VWA3A: variants seen among roughly 807,000 people sequenced by gnomAD.
VWA3A encodes the protein von Willebrand factor A domain containing 3A.
Under a neutral mutation model 160.4 loss-of-function variants are expected in VWA3A, and 134 were observed. That is an observed-to-expected ratio of 0.84 (90% CI 0.73 to 0.96). The LOEUF (loss-of-function observed/expected upper bound fraction) is 0.96, where lower values mean the gene tolerates loss of function less well. Among genes scored for constraint, VWA3A ranks in the 40% least tolerant of loss-of-function variants. The probability of loss-of-function intolerance (pLI) is 0.00; values close to 1 mark genes in which losing one functional copy is unlikely to be tolerated. For synonymous variants in VWA3A, 476 were observed against 543.4 expected, an observed-to-expected ratio of 0.88 and a Z score of 1.72; for missense variants, 1,310 against 1,447.9, an observed-to-expected ratio of 0.90 and a Z score of 1.55.
Position 22,096,931 on chromosome 16 carries a change from T to C in VWA3A, c.87T>C (p.Phe29=), listed in dbSNP as rs951445871. 1 of 1,548,014 alleles carries C rather than the reference T, an allele frequency of 6.5e-7. No homozygotes were observed. ...TCTTCCATGGTCAAGAAAATATGTT[T>C]CTGGAAAACCATTGGTAAGCATAGT... ...SHVFHGQENM[F]LENHCIRRNT... is the part of the protein sequence containing the mutation. The change falls in exon 2 of 34, where the codon TTT becomes TTC. Residue 29 remains phenylalanine (F), a synonymous_variant. Transcript: ENST00000389398.
In VWA3A at chr16:22,148,219, C is replaced by T. The variant is rs754734069; in HGVS notation, c.2897C>T (p.Thr966Met). 4.7e-5 allele frequency: 75 copies of T among 1,601,422 alleles called. No homozygotes were observed. The highest frequency in any genetic ancestry group is 1.6e-4 in the South Asian group (14 of 88,316). Residue 966 changes from threonine (T) to methionine (M), a missense_variant, in exon 28 of 34, where the codon ACG (threonine) becomes ATG (methionine). Coordinates refer to ENST00000389398, the MANE Select transcript of VWA3A (RefSeq NM_173615.5). Reference sequence around the variant, plus strand: ...AGCAAAGTATGCATATTGCTGGACACGTCAGGGTCCATGGGCCCCTACCTG... The same window carrying T: ...AGCAAAGTATGCATATTGCTGGACATGTCAGGGTCCATGGGCCCCTACCTG... ...LESKVCILLD[T>M]SGSMGPYLQQ...
intron 3 of VWA3A, among the ~76,000 whole-genome samples, chr16:22,098,092 C>G (rs1210591026): frequency 6.6e-6 from 1 of 152,118 alleles, no homozygotes; most frequent in Non-Finnish European, 1.5e-5. Context: ...GAGAATAAAC[C>G]TCTGACCAGA....
At chr16:22,141,891 G>A (rs542594690) in intron 24 of VWA3A, among the ~76,000 whole-genome samples, 199 bp downstream of exon 24, 3 of 152,308 alleles carry the variant, frequency 2.0e-5, no homozygotes, top group South Asian at 4.1e-4. Flanking sequence ...ACCAGGGAAT[G>A]AGAGAAGTCA....
intron 6 of VWA3A, among the ~76,000 whole-genome samples, chr16:22,105,600 A>G (rs2045472247): frequency 6.6e-6 from 1 of 152,210 alleles, no homozygotes; most frequent in African/African-American, 2.4e-5. Context: ...GATTTTTTAA[A>G]TCCTGGTATT....
chr16:22,117,037 T>A (rs779317674), intron 10 of VWA3A, 74 bp from the exon 11 acceptor site: 172 of 1,508,530 alleles, frequency 1.1e-4, no homozygotes, highest in Non-Finnish European at 1.4e-4. Flanking sequence ...AATTGGGAGG[T>A]TCAGTCAAGG....
intron 25 of VWA3A, among the ~76,000 whole-genome samples, 152 bp from the exon 26 acceptor site, chr16:22,144,095 T>C (rs1312109703): frequency 6.6e-6 from 1 of 152,084 alleles, no homozygotes; most frequent in Non-Finnish European, 1.5e-5. Flanking sequence ...AGGGAAGGAA[T>C]CTGCATGGGA....
Position 22,131,610 on chromosome 16 carries a change from G to A in VWA3A, c.1753G>A (p.Gly585Ser), listed in dbSNP as rs1433463459. 8 of 1,613,604 alleles carry A rather than the reference G, an allele frequency of 5.0e-6. No individual in the cohort carries two copies. The African/African-American group carries it at 6.7e-5, about 13-fold the overall frequency. The change falls in exon 19 of 34, where the codon GGC becomes AGC. Residue 585 changes from glycine to serine, a missense_variant. Transcript: ENST00000389398. ...GTGGGCCCTGAACCTGCGGTGTCGGGGCAGCAGGAACGTTCTCAGCGCCCT... is the reference window on the plus strand; with the variant it reads ...GTGGGCCCTGAACCTGCGGTGTCGGAGCAGCAGGAACGTTCTCAGCGCCCT... ...WRWALNLRCR[G>S]SRNVLSALRK... is the part of the protein sequence containing the mutation.
chr16:22,105,570 T>C (rs563008599), intron 6 of VWA3A, among the ~76,000 whole-genome samples: 41 of 152,260 alleles, frequency 2.7e-4, no homozygotes, highest in Non-Finnish European at 4.3e-4. Context: ...ATTTTAACTA[T>C]TTTTCAAATT....
intron 21 of VWA3A, among the ~76,000 whole-genome samples, chr16:22,137,815 G>A (rs960068393): frequency 5.9e-5 from 9 of 152,098 alleles, no homozygotes; most frequent in East Asian, 1.9e-4. Context: ...GCTGGAATTC[G>A]GGTCTGAAAA....
chr16:22,097,079 C>T, intron 2 of VWA3A, 134 bp downstream of exon 2: 1 of 602,174 alleles, frequency 1.7e-6, no homozygotes, highest in South Asian at 2.1e-5. Flanking sequence ...CATTCCCCTG[C>T]CTCAGCCTCC....
Position 22,131,614 on chromosome 16 carries a change from G to A in VWA3A, c.1757G>A (p.Ser586Asn). The A allele has an allele frequency of 2.5e-6, 4 of 1,613,774 alleles. No homozygotes were observed. Among genetic ancestry groups the A allele is most frequent in the Non-Finnish European group, 3.4e-6 (4 of 1,179,812 alleles). The change falls in exon 19 of 34, where the codon AGC (serine) becomes AAC (asparagine). Residue 586 changes from serine (S) to asparagine (N), a missense_variant. Transcript: ENST00000389398. ...RWALNLRCRG[S>N]RNVLSALRKA... ...GCCCTGAACCTGCGGTGTCGGGGCA[G>A]CAGGAACGTTCTCAGCGCCCTGCGG...
chr16:22,094,262 T>G (rs1263732056), intron 1 of VWA3A, among the ~76,000 whole-genome samples: 1 of 151,970 alleles, frequency 6.6e-6, no homozygotes, highest in Non-Finnish European at 1.5e-5. Context: ...GAGGCATTTC[T>G]ATTTCAACAG....
chr16:22,134,322 G>A (rs750589923), intron 20 of VWA3A, 46 bp from the exon 21 acceptor site: 1 of 1,537,960 alleles, frequency 6.5e-7, no homozygotes, highest in Non-Finnish European at 8.8e-7. Context: ...CGCTTGCCAG[G>A]ATCCACACCC....
intron 31 of VWA3A, among the ~76,000 whole-genome samples, chr16:22,154,667 T>C (rs2046407348): frequency 6.6e-6 from 1 of 151,846 alleles, no homozygotes; most frequent in African/African-American, 2.4e-5. Flanking sequence ...TTAAAAAGCA[T>C]GCCTCAGCCG....
At chr16:22,145,536 G>T (rs1433000694) in intron 26 of VWA3A, among the ~76,000 whole-genome samples, 1 of 151,900 alleles carries the variant, frequency 6.6e-6, no homozygotes, top group Non-Finnish European at 1.5e-5. Flanking sequence ...CTACTCAGGA[G>T]GCTGAGGCAG....
chr16:22,102,532 TA>T (rs2045422324), intron 5 of VWA3A, among the ~76,000 whole-genome samples: 1 of 152,032 alleles, frequency 6.6e-6, no homozygotes. Flanking sequence ...TCAATTAAAT[TA>T]AAGTGACCTA....
intron 5 of VWA3A, among the ~76,000 whole-genome samples, chr16:22,102,924 C>T (rs2045428153): frequency 6.6e-6 from 1 of 152,146 alleles, no homozygotes; most frequent in East Asian, 1.9e-4. Context: ...GGGCCTGATT[C>T]CACCCCTTGA....
At position 22,129,768 on chromosome 16, in the gene VWA3A, C is replaced by T. The variant is rs531139272; in HGVS notation, c.1653-1437C>T. Among the ~76,000 whole-genome samples the T allele has an allele frequency of 5.3e-5, 8 of 152,074 alleles. No homozygotes were observed. The South Asian group carries it at 1.2e-3, about 24-fold the overall frequency. ...GCAGCACTTGGAAGACACCAGCATT[C>T]GAAGGGTGGGCAGAAGAAGGGAACC... is the stretch of plus-strand genomic sequence containing the variant. On this transcript the variant is annotated intron_variant, in intron 17 of 33. Transcript: ENST00000389398.
chr16:22,143,208 G>A (rs2046185857), intron 25 of VWA3A, among the ~76,000 whole-genome samples: 1 of 151,602 alleles, frequency 6.6e-6, no homozygotes, highest in Non-Finnish European at 1.5e-5. Flanking sequence ...TGGCAGATGG[G>A]ATAAGGGTTA....
Sources: allele counts gnomAD v4.1 joint callset (sites outside exome capture counted in the v4.1 genomes callset), GRCh38; gene constraint gnomAD v4.1.1; transcripts MANE v1.5; gene names NCBI Gene and HGNC (gene_info 2026-07-23, HGNC 2026-07-21).